The following DHRS11 variants were observed in gnomAD, a reference collection of about 807,000 sequenced individuals.
DHRS11 encodes the protein dehydrogenase/reductase 11, also known as dehydrogenase/reductase SDR family member 11.
In DHRS11, 18 loss-of-function variants were observed where a neutral mutation model predicts 30.7. The observed-to-expected ratio is 0.59, with a 90% CI of 0.41 to 0.87. The LOEUF is 0.87. DHRS11 is among the 40% of genes least tolerant of loss of function. The pLI is 0.00. For synonymous variants in DHRS11, 123 were observed against 139.6 expected (o/e 0.88, Z 0.84); for missense variants, 300 against 349.0 (o/e 0.86, Z 1.12).
chr17:36,596,957 C>T (rs1259107175), intron 2 of DHRS11: 2 of 452,574 alleles, frequency 4.4e-6, no homozygotes, highest in South Asian at 3.2e-5. Context: ...GACCTCAACT[C>T]GCCCATCTGT....
chr17:36,596,660 T>C, intron 2 of DHRS11: 1 of 383,864 alleles, frequency 2.6e-6, no homozygotes, highest in Non-Finnish European at 5.3e-6. Context: ...GTTTTTAAAA[T>C]GTTTTGAAAC....
Position 36,592,033 on chromosome 17 carries a change from G to A in DHRS11, c.24G>A (p.Arg8=). The change falls in exon 1 of 7, where the codon CGG becomes CGA. Residue 8 remains arginine (R), a synonymous_variant. Coordinates refer to ENST00000618403, the MANE Select transcript of DHRS11 (RefSeq NM_024308.4). This position sits in a 1 kb window ranked among gnomAD's most constrained non-coding sequence, Gnocchi z 4.4. ...CCATGGCCAGGCCCGGCATGGAGCGGTGGCGCGACCGGCTGGCGCTGGTGA... is the reference window on the plus strand; with the variant it reads ...CCATGGCCAGGCCCGGCATGGAGCGATGGCGCGACCGGCTGGCGCTGGTGA... MARPGME[R]WRDRLALVTG... 1 of 1,231,190 alleles carries A rather than the reference G, an allele frequency of 8.1e-7. No individual in the cohort carries two copies. The highest frequency in any genetic ancestry group is 1.0e-6 in the Non-Finnish European group (1 of 987,004). 76.3% of individuals were successfully genotyped at this position (1,231,190 alleles called of 1,614,324 possible).
chr17:36,595,691 G>A (rs1437728688), intron 2 of DHRS11, among the ~76,000 whole-genome samples: 1 of 152,098 alleles, frequency 6.6e-6, no homozygotes, highest in Non-Finnish European at 1.5e-5. Flanking sequence ...CCAACGTGCT[G>A]GGATTACAGG....
intron 1 of DHRS11, among the ~76,000 whole-genome samples, chr17:36,594,017 C>A (rs1482074304): frequency 6.6e-6 from 1 of 152,222 alleles, no homozygotes; most frequent in Non-Finnish European, 1.5e-5. Flanking sequence ...TTCAATGGCA[C>A]CTGCCACCTG....
At chr17:36,599,833 C>G in intron 5 of DHRS11, 70 bp downstream of exon 5, 2 of 1,600,052 alleles carry the variant, frequency 1.2e-6, no homozygotes, top group Non-Finnish European at 1.7e-6. Context: ...GCTCGGCCTT[C>G]AGACTCCACT....
Position 36,594,945 on chromosome 17 carries a change from A to C in DHRS11, c.148-26A>C, listed in dbSNP as rs1373756529. On this transcript the variant is annotated intron_variant, in intron 1 of 6. Transcript: ENST00000618403. ...GCCGTGGGAGTGAGCTGCTCACCCC[A>C]GTCAGACCCCTGTTGGGTTTCATAG... 3 of 1,613,640 alleles carry C rather than the reference A, an allele frequency of 1.9e-6. No homozygotes were observed. In the East Asian group the frequency reaches 6.7e-5, roughly 36 times the overall value.
At chr17:36,597,893 G>GT (rs2074823826) in intron 2 of DHRS11, 1 of 560,554 alleles carries the variant, frequency 1.8e-6, no homozygotes, top group Admixed American at 3.2e-5. Flanking sequence ...TCAGGAGTGG[G>GT]TTTGAAGGGT....
At chr17:36,594,766 C>T (rs2074795442) in intron 1 of DHRS11, 2 of 606,688 alleles carry the variant, frequency 3.3e-6, no homozygotes, top group East Asian at 5.5e-5. Flanking sequence ...CTTTTCCCTT[C>T]ATCACTCGGG....
intron 2 of DHRS11, chr17:36,597,835 T>G: frequency 2.3e-6 from 1 of 444,128 alleles, no homozygotes; most frequent in South Asian, 2.6e-5. Flanking sequence ...AATTAGAGGG[T>G]CTGTGCTACT....
chr17:36,598,480 C>T, intron 3 of DHRS11: 2 of 582,928 alleles, frequency 3.4e-6, no homozygotes, highest in South Asian at 2.1e-5. Flanking sequence ...AAGCCTGGGG[C>T]CTCTCCTGGG....
chr17:36,600,082 G>A (rs773005513), intron 6 of DHRS11, 45 bp downstream of exon 6: 1 of 1,613,602 alleles, frequency 6.2e-7, no homozygotes, highest in South Asian at 1.1e-5. Flanking sequence ...AACCCAACCA[G>A]CCCCAGAGGA....
chr17:36,599,983 C>T lies in DHRS11; in HGVS notation c.687C>T (p.Pro229=), dbSNP rs771392897. The change falls in exon 6 of 7, where the codon CCC becomes CCT. Residue 229 remains proline, a synonymous_variant. Coordinates refer to ENST00000618403, the MANE Select transcript of DHRS11 (RefSeq NM_024308.4). ...ATYEQMKCLK[P]EDVAEAVIYV... Reference sequence around the variant, plus strand: ...CCTGGTGCTCTCAGTGTCTCAAACCCGAGGATGTGGCCGAGGCTGTTATCT... The same window carrying T: ...CCTGGTGCTCTCAGTGTCTCAAACCTGAGGATGTGGCCGAGGCTGTTATCT... The T allele has an allele frequency of 1.1e-5, 17 of 1,613,454 alleles. No homozygotes were observed. The highest frequency in any genetic ancestry group is 2.2e-5 in the East Asian group (1 of 44,846).
rs34424724 is a variant in DHRS11, at chr17:36,595,410, C to CTTTTTTTTT, written c.357+249_357+257dup. Among the ~76,000 whole-genome samples the CTTTTTTTTT allele has an allele frequency of 9.7e-5, 5 of 51,640 alleles. 1 individual carries two copies. Among genetic ancestry groups the CTTTTTTTTT allele is most frequent in the Admixed American group, 2.9e-4 (1 of 3,450 alleles). 33.9% of individuals were successfully genotyped at this position (51,640 alleles called of 152,430 possible). A position where few individuals can be genotyped will look rare whatever the true frequency, so the allele number is the denominator to read the frequency against. On this transcript the variant is annotated intron_variant, in intron 2 of 6. Transcript: ENST00000618403. Reference sequence around the variant, plus strand: ...CTTCTTTGAGCCCCTGGAGGTAGTTCTTTTTTTTTTTTTTTTTTTTTTTTT... The same window carrying CTTTTTTTTT: ...CTTCTTTGAGCCCCTGGAGGTAGTTCTTTTTTTTTTTTTTTTTTTTTTTTTTTTTTTTTT...
At chr17:36,594,076 C>T (rs897801072) in intron 1 of DHRS11, among the ~76,000 whole-genome samples, 2 of 152,166 alleles carry the variant, frequency 1.3e-5, no homozygotes, top group African/African-American at 4.8e-5. Context: ...GGTGGTGCAC[C>T]AGGGCTCAGA....
rs755066427 is a variant in DHRS11, at chr17:36,592,613, G to C, written c.147+457G>C. Reference sequence around the variant, plus strand: ...GCCTCAGCCCCGCCCCCTCACCTCGGGGGTAACTCATGCCCAGTGGCATGA... The same window carrying C: ...GCCTCAGCCCCGCCCCCTCACCTCGCGGGTAACTCATGCCCAGTGGCATGA... On this transcript the variant is annotated intron_variant, in intron 1 of 6. Transcript: ENST00000618403. The surrounding 1 kb of genome is among the most constrained non-coding windows in gnomAD (Gnocchi z 4.4). 5.3e-5 allele frequency among the ~76,000 whole-genome samples: 8 copies of C among 152,188 alleles called. No individual in the cohort carries two copies. Among genetic ancestry groups the C allele is most frequent in the Non-Finnish European group, 1.2e-4 (8 of 68,028 alleles).
At chr17:36,594,645 C>G in intron 1 of DHRS11, 1 of 423,316 alleles carries the variant, frequency 2.4e-6, no homozygotes, top group Non-Finnish European at 4.3e-6. Context: ...AAACTCCTGA[C>G]CTCAACTGGT....
Position 36,591,951 on chromosome 17 carries a change from T to C in DHRS11, c.-59T>C. 8.2e-7 allele frequency: 1 copy of C among 1,220,094 alleles called. No homozygotes were observed. The highest frequency in any genetic ancestry group is 1.6e-5 in the African/African-American group (1 of 63,842). 75.6% of individuals were successfully genotyped at this position (1,220,094 alleles called of 1,614,324 possible). Reference sequence around the variant, plus strand: ...GCGGCGGCAGGAGAGCGGCCGGGCGTCAGCTCCTCGACCCCCGTGTCGGGC... The same window carrying C: ...GCGGCGGCAGGAGAGCGGCCGGGCGCCAGCTCCTCGACCCCCGTGTCGGGC... On this transcript the variant is annotated 5_prime_UTR_variant, in exon 1 of 7. Coordinates refer to ENST00000618403, the MANE Select transcript of DHRS11 (RefSeq NM_024308.4).
rs538948382 is a variant in DHRS11, at chr17:36,592,335, C to T, written c.147+179C>T. 1.5e-3 allele frequency among the ~76,000 whole-genome samples: 231 copies of T among 152,344 alleles called. 1 individual carries two copies. The highest frequency in any genetic ancestry group is 5.1e-3 in the African/African-American group (212 of 41,576). On this transcript the variant is annotated intron_variant, in intron 1 of 6. Transcript: ENST00000618403. The surrounding 1 kb of genome is among the most constrained non-coding windows in gnomAD (Gnocchi z 4.4). ...GAAGGAGCCGTTTGCCCTGACAGCC[C>T]CTGCTCGAGTTACCGAATCTCCGAC...
Position 36,592,022 on chromosome 17 carries a change from G to C in DHRS11, c.13G>C (p.Gly5Arg), listed in dbSNP as rs1258701653. Residue 5 changes from glycine to arginine, a missense_variant, in exon 1 of 7, where the codon GGC (glycine) becomes CGC (arginine). Transcript: ENST00000618403. The surrounding 1 kb of genome is among the most constrained non-coding windows in gnomAD (Gnocchi z 4.4). MARP[G>R]MERWRDRLAL... ...GCGGCGTGGGCCCATGGCCAGGCCC[G>C]GCATGGAGCGGTGGCGCGACCGGCT... 115 of 1,229,448 alleles carry C rather than the reference G, an allele frequency of 9.4e-5. No homozygotes were observed. Among genetic ancestry groups the C allele is most frequent in the Non-Finnish European group, 1.1e-4 (112 of 986,176 alleles). 76.2% of individuals were successfully genotyped at this position (1,229,448 alleles called of 1,614,324 possible).
Sources: allele counts gnomAD v4.1 joint callset (sites outside exome capture counted in the v4.1 genomes callset), GRCh38; gene constraint gnomAD v4.1.1; non-coding constraint Gnocchi (gnomAD v3.1); transcripts MANE v1.5; gene names NCBI Gene and HGNC (gene_info 2026-07-23, HGNC 2026-07-21).